PSMD14: variants seen among roughly 807,000 people sequenced by gnomAD.
PSMD14 encodes ubiquitin C-terminal hydrolase PSMD14.
Under a neutral mutation model 41.2 loss-of-function variants are expected in PSMD14, and 7 were observed. The observed-to-expected ratio is 0.17, with a 90% CI of 0.10 to 0.32. The LOEUF is 0.32. Ranked by LOEUF, PSMD14 falls within the 10% of genes least tolerant of loss-of-function variation. PSMD14 has a pLI of 1.00. For missense variants in PSMD14, 139 were observed against 375.6 expected, an observed-to-expected ratio of 0.37 and a Z score of 5.21; for synonymous variants, 114 against 122.3, an observed-to-expected ratio of 0.93 and a Z score of 0.45.
At chr2:161,343,646 G>A (rs1401199350) in intron 3 of PSMD14, among the ~76,000 whole-genome samples, 1 of 152,180 alleles carries the variant, frequency 6.6e-6, no homozygotes, top group African/African-American at 2.4e-5. Flanking sequence ...TGCCCAACAT[G>A]GTGAAACCCT....
At chr2:161,348,305 A>C (rs1683073052) in intron 3 of PSMD14, among the ~76,000 whole-genome samples, 1 of 152,214 alleles carries the variant, frequency 6.6e-6, no homozygotes, top group Non-Finnish European at 1.5e-5. Context: ...ACCATATGAT[A>C]TCTGTCACAA....
At chr2:161,341,838 CAA>C (rs1305487315) in intron 3 of PSMD14, among the ~76,000 whole-genome samples, 4 of 69,918 alleles carry the variant, frequency 5.7e-5, no homozygotes, top group Non-Finnish European at 9.0e-5. Context: ...TCTCCTTCTC[CAA>C]AAAAAAAAAA....
intron 10 of PSMD14, among the ~76,000 whole-genome samples, chr2:161,407,033 A>C (rs1009463859): frequency 6.6e-6 from 1 of 152,092 alleles, no homozygotes. Flanking sequence ...AAATTCCAAA[A>C]TTTTTGCCTC....
In PSMD14 at chr2:161,353,403, A is replaced by G. The variant is rs151326001; in HGVS notation, c.49-14075A>G. Among the ~76,000 whole-genome samples the G allele has an allele frequency of 7.1e-3, 1,088 of 152,334 alleles. 9 individuals are homozygous for G. The highest frequency in any genetic ancestry group is 0.016 in the South Asian group (75 of 4,824). On this transcript the variant is annotated intron_variant, in intron 3 of 11. Transcript: ENST00000409682. ...AAGTCACATCCTCAGAAAAACAACC[A>G]TTGAAATTTAAACAGTATTCACTCA...
intron 7 of PSMD14, among the ~76,000 whole-genome samples, chr2:161,373,984 G>A (rs1037228572): frequency 6.6e-6 from 1 of 151,270 alleles, no homozygotes. Context: ...TGTTATTAGT[G>A]GTTAAAAAAA....
chr2:161,387,033 T>A (rs1332548162), intron 8 of PSMD14, among the ~76,000 whole-genome samples: 1 of 152,016 alleles, frequency 6.6e-6, no homozygotes. Flanking sequence ...AAACAACATG[T>A]GTATGTAACA....
chr2:161,382,558 G>C (rs1683582607), intron 7 of PSMD14: 1 of 151,820 alleles, frequency 6.6e-6, no homozygotes, highest in South Asian at 2.1e-4. Context: ...CCTCTGAAAA[G>C]TCTCAAGGCA....
intron 3 of PSMD14, among the ~76,000 whole-genome samples, chr2:161,363,728 C>T (rs1683322127): frequency 2.0e-5 from 3 of 152,180 alleles, no homozygotes; most frequent in Admixed American, 2.0e-4. Context: ...CCCTTGTCCC[C>T]TTCACAGGGC....
intron 3 of PSMD14, among the ~76,000 whole-genome samples, chr2:161,366,944 TTTG>T (rs1683367649): frequency 6.6e-6 from 1 of 152,160 alleles, no homozygotes; most frequent in African/African-American, 2.4e-5. Context: ...TTGTGTTAAA[TTTG>T]TTGTTGTATA....
intron 7 of PSMD14, among the ~76,000 whole-genome samples, chr2:161,380,706 A>G (rs1390924621): frequency 6.6e-6 from 1 of 152,064 alleles, no homozygotes. Flanking sequence ...ATTCAGTGAT[A>G]TGCATTTGGC....
At chr2:161,386,353 T>C (rs1406990158) in intron 8 of PSMD14, among the ~76,000 whole-genome samples, 1 of 151,888 alleles carries the variant, frequency 6.6e-6, no homozygotes, top group Non-Finnish European at 1.5e-5. Flanking sequence ...AAAGACATTA[T>C]AGTAGCTATT....
intron 3 of PSMD14, among the ~76,000 whole-genome samples, chr2:161,360,961 C>T (rs565330157): frequency 9.2e-5 from 14 of 152,270 alleles, no homozygotes; most frequent in African/African-American, 3.1e-4. Flanking sequence ...AATGGGAAAA[C>T]TATTTTTTCA....
chr2:161,354,471 T>G (rs528620403), intron 3 of PSMD14, among the ~76,000 whole-genome samples: 1 of 146,730 alleles, frequency 6.8e-6, no homozygotes, highest in South Asian at 2.2e-4. Flanking sequence ...TGAATGATGT[T>G]TTTTTATAAC....
chr2:161,324,633 C>A (rs79010850), intron 3 of PSMD14, among the ~76,000 whole-genome samples: 1 of 131,812 alleles, frequency 7.6e-6, no homozygotes, highest in South Asian at 2.5e-4. Context: ...TTCTTTCTTT[C>A]TTTTTTTTTT....
chr2:161,332,095 A>T lies in PSMD14; in HGVS notation c.48+13222A>T, dbSNP rs1682802133. On this transcript the variant is annotated intron_variant, in intron 3 of 11. Coordinates refer to ENST00000409682, the MANE Select transcript of PSMD14 (RefSeq NM_005805.6). Reference sequence around the variant, plus strand: ...GTAATTTTTATTGTAGATCGAAAGTAAGATGCTTGCTTTTTAAAATTTTTG... The same window carrying T: ...GTAATTTTTATTGTAGATCGAAAGTTAGATGCTTGCTTTTTAAAATTTTTG... Among the ~76,000 whole-genome samples, 4 of 152,342 alleles carry T rather than the reference A, an allele frequency of 2.6e-5. 1 individual carries two copies. The South Asian group carries it at 8.3e-4, about 32-fold the overall frequency.
chr2:161,411,633 T>TG lies in PSMD14; in HGVS notation c.*233_*234insG, dbSNP rs1296347578. ...ATACATCAAAGTGGACAAATTTTGT[T>TG]AAGATCCCATTTAATATTTGAAAAA... On this transcript the variant is annotated 3_prime_UTR_variant, in exon 12 of 12. Transcript: ENST00000409682. 6 of 272,846 alleles carry TG rather than the reference T, an allele frequency of 2.2e-5. No homozygotes were observed. The highest frequency in any genetic ancestry group is 6.8e-6 in the Non-Finnish European group (1 of 146,460). The allele number at this position is 272,846 out of a possible 1,614,324, so 16.9% of individuals were successfully genotyped here. A position where few individuals can be genotyped will look rare whatever the true frequency, so the allele number is the denominator to read the frequency against.
chr2:161,406,418 C>T (rs145718824), intron 10 of PSMD14, among the ~76,000 whole-genome samples: 10 of 152,234 alleles, frequency 6.6e-5, no homozygotes, highest in East Asian at 5.8e-4. Flanking sequence ...CAAAATTTGA[C>T]GCCAAATCAC....
chr2:161,348,969 C>T (rs1683081690), intron 3 of PSMD14, among the ~76,000 whole-genome samples: 1 of 152,150 alleles, frequency 6.6e-6, no homozygotes, highest in African/African-American at 2.4e-5. Flanking sequence ...CTCTTTCTTC[C>T]TCTCTGCTGC....
At chr2:161,394,449 C>G (rs767901526) in intron 9 of PSMD14, among the ~76,000 whole-genome samples, 9 of 152,156 alleles carry the variant, frequency 5.9e-5, no homozygotes, top group Non-Finnish European at 1.3e-4. Flanking sequence ...AAGATTGACA[C>G]AAGGTCACTC....
Sources: allele counts gnomAD v4.1 joint callset (sites outside exome capture counted in the v4.1 genomes callset), GRCh38; gene constraint gnomAD v4.1.1; transcripts MANE v1.5; gene names NCBI Gene and HGNC (gene_info 2026-07-23, HGNC 2026-07-21).